ZFHX3: variants seen among roughly 807,000 people sequenced by gnomAD.
The protein encoded by ZFHX3 is zinc finger homeobox 3.
Under a neutral mutation model 279.1 loss-of-function variants are expected in ZFHX3, and 42 were observed. That is an observed-to-expected ratio of 0.15 (90% CI 0.12 to 0.19). The LOEUF (loss-of-function observed/expected upper bound fraction) is 0.19, where lower values mean the gene tolerates loss of function less well. Among genes scored for constraint, ZFHX3 ranks in the 10% least tolerant of loss-of-function variants. ZFHX3 has a pLI of 1.00. For missense variants in ZFHX3, 4,981 were observed against 4,754.0 expected (o/e 1.05, Z -1.40); for synonymous variants, 2,293 against 1,957.8 (o/e 1.17, Z -4.52).
At position 73,676,217 on chromosome 16, in the gene ZFHX3, T is replaced by C. The variant is rs542841842; in HGVS notation, c.-1547+3963A>G. On this transcript the variant is annotated intron_variant, in intron 2 of 17. Transcript: ENST00000641206. ...AACTGTTTTCTATTATTTTTGACTATAAATTATTTTTGAAAAATAAACATA... is the reference window on the plus strand; with the variant it reads ...AACTGTTTTCTATTATTTTTGACTACAAATTATTTTTGAAAAATAAACATA... 2.0e-5 allele frequency among the ~76,000 whole-genome samples: 3 copies of C among 152,112 alleles called. No individual in the cohort carries two copies. In the East Asian group the frequency reaches 5.8e-4, roughly 29 times the overall value.
chr16:73,682,892 A>T (rs1597063583), intron 1 of ZFHX3, among the ~76,000 whole-genome samples: 1 of 28,334 alleles, frequency 3.5e-5, no homozygotes, highest in Non-Finnish European at 7.1e-5. Flanking sequence ...GAAAGAAAGA[A>T]AGAAAGAAAG....
intron 2 of ZFHX3, among the ~76,000 whole-genome samples, chr16:73,624,481 G>C (rs990521686): frequency 1.3e-4 from 19 of 151,986 alleles, no homozygotes; most frequent in Non-Finnish European, 2.5e-4. Flanking sequence ...CAGGAGGGAG[G>C]AAAAGAAAGA....
Position 72,959,951 on chromosome 16 carries a change from G to C in ZFHX3, c.195C>G (p.Thr65=), listed in dbSNP as rs367648794. ...GCTCGGAGGGGGGCCCGGCCGACGC[G>C]GTGCTCTCCGCGAGGCGCTCATTGA... is the stretch of plus-strand genomic sequence containing the variant. The part of the protein sequence containing the change: ...APFNERLAES[T]ASAGPPSEPA... Residue 65 remains threonine (T), a synonymous_variant, in exon 2 of 10, where the codon ACC becomes ACG. Transcript: ENST00000268489. The C allele has an allele frequency of 3.7e-6, 6 of 1,605,848 alleles. No homozygotes were observed. Among genetic ancestry groups the C allele is most frequent in the Non-Finnish European group, 5.1e-6 (6 of 1,175,876 alleles).
chr16:73,750,918 T>C (rs2053756746), intron 1 of ZFHX3, among the ~76,000 whole-genome samples: 1 of 152,118 alleles, frequency 6.6e-6, no homozygotes, highest in Admixed American at 6.6e-5. Flanking sequence ...AATAACAACC[T>C]AAGGGACTAT....
At chr16:73,553,192 C>G (rs1247175029) in intron 2 of ZFHX3, among the ~76,000 whole-genome samples, 2 of 151,446 alleles carry the variant, frequency 1.3e-5, no homozygotes, top group African/African-American at 4.9e-5. Flanking sequence ...TCGTGTAACT[C>G]CTTTTTTTTT....
At chr16:72,954,701 G>C (rs1466603100) in intron 2 of ZFHX3, among the ~76,000 whole-genome samples, 3 of 152,182 alleles carry the variant, frequency 2.0e-5, no homozygotes, top group Non-Finnish European at 4.4e-5. Flanking sequence ...AGGAAGGTTT[G>C]GGAGGATGTT....
At chr16:73,717,647 C>G (rs12917986) in intron 1 of ZFHX3, among the ~76,000 whole-genome samples, 21,109 of 152,144 alleles carry the variant, frequency 0.14, 1,842 homozygotes, top group Middle Eastern at 0.31. Context: ...AGGGTTGGAG[C>G]TTACTCTCCT....
chr16:73,226,727 AATCTTAC>A (rs1476357170), intron 5 of ZFHX3, among the ~76,000 whole-genome samples: 3 of 152,276 alleles, frequency 2.0e-5, no homozygotes, highest in Non-Finnish European at 2.9e-5. Context: ...TTCCCACCTT[AATCTTAC>A]ATATTTTTTT....
At chr16:72,940,032 C>A (rs984608915) in intron 3 of ZFHX3, among the ~76,000 whole-genome samples, 5 of 152,236 alleles carry the variant, frequency 3.3e-5, no homozygotes, top group Admixed American at 1.3e-4. Flanking sequence ...ACCTCAGTCC[C>A]CACTGCAGCT....
intron 4 of ZFHX3, among the ~76,000 whole-genome samples, chr16:72,844,904 A>G (rs538836752): frequency 7.3e-5 from 11 of 151,324 alleles, no homozygotes; most frequent in Admixed American, 4.6e-4. Context: ...ATGAAATGCT[A>G]TTTCAATTAA....
intron 4 of ZFHX3, among the ~76,000 whole-genome samples, chr16:72,887,621 T>A (rs977063305): frequency 2.1e-5 from 3 of 141,658 alleles, no homozygotes; most frequent in Non-Finnish European, 3.0e-5. Flanking sequence ...GCGTGTGGGA[T>A]GCATGTCAGT....
intron 1 of ZFHX3, among the ~76,000 whole-genome samples, chr16:73,783,741 C>T (rs995279506): frequency 6.6e-6 from 1 of 152,160 alleles, no homozygotes; most frequent in Non-Finnish European, 1.5e-5. Context: ...CTCATTTAAT[C>T]TTTGCAACAA....
intron 1 of ZFHX3, among the ~76,000 whole-genome samples, chr16:73,823,422 C>A (rs147379096): frequency 6.6e-6 from 1 of 152,238 alleles, no homozygotes; most frequent in African/African-American, 2.4e-5. Context: ...GGCAACACAG[C>A]CAGACAGAAT....
rs112084560 is a variant in ZFHX3, at chr16:73,305,109, C to T, written c.-1194+13131G>A. Among the ~76,000 whole-genome samples the T allele has an allele frequency of 1.9e-3, 295 of 151,994 alleles. 1 individual carries two copies. The highest frequency in any genetic ancestry group is 6.5e-3 in the African/African-American group (271 of 41,470). On this transcript the variant is annotated intron_variant, in intron 4 of 17. Coordinates refer to the ZFHX3 transcript ENST00000641206. ...AAAAAGCAGCCTAGGAAAAATGGCCCAAGATCGGAGAGAAAGAGCCAAGCT... is the reference window on the plus strand; with the variant it reads ...AAAAAGCAGCCTAGGAAAAATGGCCTAAGATCGGAGAGAAAGAGCCAAGCT...
chr16:72,918,347 G>A (rs763076352), intron 3 of ZFHX3, among the ~76,000 whole-genome samples: 3 of 152,150 alleles, frequency 2.0e-5, no homozygotes, highest in Admixed American at 6.5e-5. Flanking sequence ...GAAAAGGAGG[G>A]ACAATTAGCT....
intron 7 of ZFHX3, among the ~76,000 whole-genome samples, chr16:72,806,424 CAGAG>C (rs1397624118): frequency 6.6e-6 from 1 of 152,136 alleles, no homozygotes; most frequent in African/African-American, 2.4e-5. Flanking sequence ...TCATTAGACT[CAGAG>C]AGGGAAGCAG....
intron 1 of ZFHX3, among the ~76,000 whole-genome samples, chr16:72,987,204 C>G (rs952526821): frequency 1.3e-5 from 2 of 152,184 alleles, no homozygotes; most frequent in Admixed American, 6.6e-5. Flanking sequence ...ATTCAGTAGT[C>G]ATTCCATCAG....
chr16:73,884,501 A>G (rs908365910), intron 1 of ZFHX3, among the ~76,000 whole-genome samples: 1 of 152,214 alleles, frequency 6.6e-6, no homozygotes, highest in African/African-American at 2.4e-5. Flanking sequence ...ACATGGAAAA[A>G]TCATGCAGTT....
At chr16:73,744,028 C>G (rs755816898) in intron 1 of ZFHX3, among the ~76,000 whole-genome samples, 1 of 152,046 alleles carries the variant, frequency 6.6e-6, no homozygotes, top group Admixed American at 6.6e-5. Flanking sequence ...TTCCGCAAAC[C>G]GACCCCCGCC....
Sources: gnomAD v4.1 joint callset for allele counts (sites outside exome capture counted in the v4.1 genomes callset) on GRCh38, gnomAD v4.1.1 for gene constraint, MANE v1.5 for transcripts, NCBI Gene and HGNC (gene_info 2026-07-23, HGNC 2026-07-21) for gene names.